Variants in CLIP2 observed in about 807,000 individuals in gnomAD.
CLIP2 encodes the protein CAP-Gly domain-containing linker protein 2.
CLIP2 carries 41 observed loss-of-function variants against 111.7 expected under a neutral mutation model. That is an observed-to-expected ratio of 0.37 (90% CI 0.29 to 0.48). The LOEUF (loss-of-function observed/expected upper bound fraction) is 0.48. CLIP2 is among the 20% of genes least tolerant of loss of function. The pLI is 0.99. For missense variants in CLIP2, 1,160 were observed against 1,422.1 expected (o/e 0.82, Z 2.96); for synonymous variants, 660 against 644.2 (o/e 1.02, Z -0.37).
chr7:74,319,333 G>A (rs910166886), intron 2 of CLIP2, among the ~76,000 whole-genome samples: 46 of 152,020 alleles, frequency 3.0e-4, no homozygotes, highest in African/African-American at 1.1e-3. Context: ...CCAACATGGT[G>A]AAACCCCGTC....
At chr7:74,369,748 T>C in intron 8 of CLIP2, among the ~76,000 whole-genome samples, 1 of 106,572 alleles carries the variant, frequency 9.4e-6, no homozygotes, top group Non-Finnish European at 1.9e-5. Context: ...TTCCAGCTAC[T>C]CGGAAGGCTG....
chr7:74,375,539 C>T (rs1225471914), intron 9 of CLIP2, among the ~76,000 whole-genome samples: 3 of 93,648 alleles, frequency 3.2e-5, no homozygotes, highest in Admixed American at 1.8e-4. Flanking sequence ...CGTGACAGAG[C>T]GAGACTCAAA....
Position 74,383,063 on chromosome 7 carries a change from G to C in CLIP2, c.2479+2200G>C, listed in dbSNP as rs1790989886. Among the ~76,000 whole-genome samples, 3 of 138,774 alleles carry C rather than the reference G, an allele frequency of 2.2e-5. No homozygotes were observed. The Admixed American group carries it at 2.3e-4, about 11-fold the overall frequency. 91.0% of individuals were successfully genotyped at this position (138,774 alleles called of 152,430 possible). On this transcript the variant is annotated intron_variant, in intron 11 of 16. Transcript: ENST00000223398. ...CCACTGCACTCCAGCCTGAGCAATA[G>C]AGTGAGACCCTGTCACCAAAAAAAA...
chr7:74,303,063 C>T (rs1349063088), intron 1 of CLIP2, among the ~76,000 whole-genome samples: 14 of 152,250 alleles, frequency 9.2e-5, no homozygotes, highest in Admixed American at 9.2e-4. Context: ...AGCCGGGCAC[C>T]CTCCCATCAG....
chr7:74,392,134 G>A (rs1371242659), intron 13 of CLIP2, among the ~76,000 whole-genome samples: 8 of 150,670 alleles, frequency 5.3e-5, no homozygotes, highest in South Asian at 2.1e-4. Context: ...GGCAGATCAC[G>A]AGGTCAGGAG....
At chr7:74,315,257 G>C (rs1224849773) in intron 1 of CLIP2, among the ~76,000 whole-genome samples, 1 of 152,062 alleles carries the variant, frequency 6.6e-6, no homozygotes, top group African/African-American at 2.4e-5. Context: ...GCCTGGGCGA[G>C]AGAGCGAGAG....
At chr7:74,306,150 C>T (rs2116472573) in intron 1 of CLIP2, among the ~76,000 whole-genome samples, 1 of 152,292 alleles carries the variant, frequency 6.6e-6, no homozygotes, top group South Asian at 2.1e-4. Flanking sequence ...GTGCTGCCTG[C>T]CCAGGCTCCC....
At chr7:74,358,656 C>T (rs1263791595) in intron 6 of CLIP2, among the ~76,000 whole-genome samples, 5 of 151,618 alleles carry the variant, frequency 3.3e-5, no homozygotes, top group African/African-American at 9.7e-5. Flanking sequence ...ATCATAGCTC[C>T]ACTCCTGGGT....
Position 74,317,569 on chromosome 7 carries a change from A to G in CLIP2, c.23A>G (p.Lys8Arg). ...GCCATGCAGAAGCCCAGCGGCCTGAAGCCCCCCGGCCGTGGGGGGAAGCAC... is the reference window on the plus strand; with the variant it reads ...GCCATGCAGAAGCCCAGCGGCCTGAGGCCCCCCGGCCGTGGGGGGAAGCAC... The part of the protein sequence containing the change: MQKPSGL[K>R]PPGRGGKHSS... The change falls in exon 2 of 17, where the codon AAG becomes AGG. Residue 8 changes from lysine to arginine, a missense_variant. By Grantham distance (26) the Lys-to-Arg change is conservative. Coordinates refer to ENST00000223398, the MANE Select transcript of CLIP2 (RefSeq NM_003388.5). The G allele has an allele frequency of 6.8e-7, 1 of 1,473,520 alleles. No individual in the cohort carries two copies. The highest frequency in any genetic ancestry group is 9.1e-7 in the Non-Finnish European group (1 of 1,104,906). 91.3% of individuals were successfully genotyped at this position (1,473,520 alleles called of 1,614,324 possible). A position where few individuals can be genotyped will look rare whatever the true frequency, so the allele number is the denominator to read the frequency against.
intron 2 of CLIP2, among the ~76,000 whole-genome samples, chr7:74,337,236 TGCA>T (rs1300826148): frequency 5.9e-5 from 9 of 152,050 alleles, no homozygotes; most frequent in African/African-American, 2.2e-4. Context: ...TAGGCTGGGC[TGCA>T]GCTTGGGGAG....
At chr7:74,362,528 CTTTTTTTT>C (rs3044338) in intron 7 of CLIP2, among the ~76,000 whole-genome samples, 2 of 121,978 alleles carry the variant, frequency 1.6e-5, no homozygotes, top group East Asian at 2.4e-4. Flanking sequence ...TTTTTCTTTT[CTTTTTTTT>C]TTTTTTTTTT....
intron 8 of CLIP2, among the ~76,000 whole-genome samples, chr7:74,372,251 G>T (rs1790646623): frequency 6.6e-6 from 1 of 152,144 alleles, no homozygotes; most frequent in Non-Finnish European, 1.5e-5. Flanking sequence ...CCTCTGTGGG[G>T]TCCGGTGGGG....
chr7:74,359,443 C>T (rs1269467906), intron 6 of CLIP2, among the ~76,000 whole-genome samples: 5 of 150,902 alleles, frequency 3.3e-5, no homozygotes, highest in African/African-American at 9.8e-5. Context: ...AAGCTCCGCC[C>T]CCCAGGTTCA....
At chr7:74,400,306 T>G (rs2116713439) in intron 14 of CLIP2, 64 bp from the exon 15 acceptor site, 1 of 1,386,378 alleles carries the variant, frequency 7.2e-7, no homozygotes, top group East Asian at 2.5e-5. Context: ...CTGCCTAGAG[T>G]TGAGACGCCC....
At chr7:74,398,302 T>C (rs1791515610) in intron 14 of CLIP2, among the ~76,000 whole-genome samples, 1 of 150,654 alleles carries the variant, frequency 6.6e-6, no homozygotes, top group African/African-American at 2.4e-5. Context: ...GAGGTTGGAG[T>C]GAGCTGAGAT....
intron 4 of CLIP2, among the ~76,000 whole-genome samples, chr7:74,354,443 G>A (rs550705267): frequency 9.2e-5 from 14 of 152,072 alleles, no homozygotes; most frequent in South Asian, 2.1e-4. Context: ...GTGAAACCCC[G>A]TCTCTACTAA....
At chr7:74,309,792 G>T (rs756393359) in intron 1 of CLIP2, among the ~76,000 whole-genome samples, 1 of 148,378 alleles carries the variant, frequency 6.7e-6, no homozygotes, top group South Asian at 2.1e-4. Context: ...CGGGAGAATC[G>T]CTTGAACCTG....
At chr7:74,312,598 G>A (rs782314810) in intron 1 of CLIP2, among the ~76,000 whole-genome samples, 3 of 152,164 alleles carry the variant, frequency 2.0e-5, no homozygotes, top group Admixed American at 6.6e-5. Flanking sequence ...CTCACAGTCC[G>A]GCTCCCTCAT....
chr7:74,399,540 TTTG>T (rs1176556123), intron 14 of CLIP2, among the ~76,000 whole-genome samples: 3 of 16,304 alleles, frequency 1.8e-4, no homozygotes, highest in African/African-American at 7.4e-4. Context: ...TCAGTCTTTT[TTTG>T]GGGGGGGGGG....
Sources: allele counts gnomAD v4.1 joint callset (sites outside exome capture counted in the v4.1 genomes callset), GRCh38; gene constraint gnomAD v4.1.1; transcripts MANE v1.5; gene names NCBI Gene and HGNC (gene_info 2026-07-23, HGNC 2026-07-21).